The following BANK1 variants were observed in gnomAD, a reference collection of about 807,000 sequenced individuals.
BANK1 encodes the protein B-cell scaffold protein with ankyrin repeats.
Under a neutral mutation model 94.5 loss-of-function variants are expected in BANK1, and 95 were observed. The observed-to-expected ratio is 1.00, with a 90% CI of 0.85 to 1.19. The LOEUF (loss-of-function observed/expected upper bound fraction) is 1.19. BANK1 is among the 50% of genes most tolerant of loss of function. BANK1 has a pLI of 0.00. For synonymous variants in BANK1, 334 were observed against 308.4 expected, an observed-to-expected ratio of 1.08 and a Z score of -0.87; for missense variants, 987 against 932.2, an observed-to-expected ratio of 1.06 and a Z score of -0.77.
chr4:102,021,284 CA>C (rs1176103530), intron 7 of BANK1, among the ~76,000 whole-genome samples: 1 of 151,970 alleles, frequency 6.6e-6, no homozygotes, highest in Non-Finnish European at 1.5e-5. Flanking sequence ...AAAGCTATTT[CA>C]ATAGGTTTTA....
At chr4:101,952,025 A>G (rs181172898) in intron 7 of BANK1, among the ~76,000 whole-genome samples, 1 of 152,196 alleles carries the variant, frequency 6.6e-6, no homozygotes, top group Non-Finnish European at 1.5e-5. Flanking sequence ...TTAAGTAACT[A>G]TCTGGTTGCT....
At chr4:101,839,523 A>G (rs573024699) in intron 2 of BANK1, among the ~76,000 whole-genome samples, 2 of 152,284 alleles carry the variant, frequency 1.3e-5, no homozygotes, top group African/African-American at 4.8e-5. Flanking sequence ...CATATGAGGA[A>G]GCTTACTCTT....
chr4:101,921,935 G>T (rs561839208), intron 7 of BANK1, among the ~76,000 whole-genome samples: 1 of 151,738 alleles, frequency 6.6e-6, no homozygotes, highest in East Asian at 2.0e-4. Context: ...TCATGTGTGC[G>T]ATGGGATTCC....
intron 3 of BANK1, among the ~76,000 whole-genome samples, chr4:101,855,485 T>G (rs1026920374): frequency 6.6e-6 from 1 of 152,204 alleles, no homozygotes; most frequent in African/African-American, 2.4e-5. Context: ...ACCTAGGCAA[T>G]TAGCAGGCAT....
intron 7 of BANK1, among the ~76,000 whole-genome samples, chr4:101,919,294 T>C (rs978912201): frequency 6.6e-6 from 1 of 151,996 alleles, no homozygotes; most frequent in Non-Finnish European, 1.5e-5. Context: ...TCCCTGGAAG[T>C]CCTAGCATCT....
intron 7 of BANK1, among the ~76,000 whole-genome samples, chr4:101,933,509 T>C (rs1209433649): frequency 6.6e-6 from 1 of 151,512 alleles, no homozygotes. Flanking sequence ...AGGGCAGTGG[T>C]TCTCACTATT....
chr4:101,894,086 C>T (rs1306834697), intron 5 of BANK1, among the ~76,000 whole-genome samples: 1 of 151,976 alleles, frequency 6.6e-6, no homozygotes, highest in Non-Finnish European at 1.5e-5. Flanking sequence ...GTTCTTTCTT[C>T]GTGCAATTGA....
At chr4:101,970,098 C>T (rs1361225052) in intron 7 of BANK1, among the ~76,000 whole-genome samples, 1 of 152,102 alleles carries the variant, frequency 6.6e-6, no homozygotes, top group African/African-American at 2.4e-5. Context: ...CCTCTCTAAT[C>T]CTCTGTTTCC....
rs559837155 is a variant in BANK1, at chr4:101,862,620, G to T, written c.719G>T (p.Arg240Leu). The T allele has an allele frequency of 6.2e-7, 1 of 1,609,786 alleles. No homozygotes were observed. The highest frequency in any genetic ancestry group is 1.7e-5 in the Admixed American group (1 of 59,388). ...TCAAGTAATAAGCGCATTAGAACACGGCCAGCCCTTTGGAATAAGAAAGTC... is the reference window on the plus strand; with the variant it reads ...TCAAGTAATAAGCGCATTAGAACACTGCCAGCCCTTTGGAATAAGAAAGTC... ...FTSSNKRIRT[R>L]PALWNKKVWC... is the part of the protein sequence containing the mutation. The change falls in exon 4 of 17, where the codon CGG becomes CTG. Residue 240 changes from arginine (R) to leucine (L), a missense_variant. Coordinates refer to ENST00000322953, the MANE Select transcript of BANK1 (RefSeq NM_017935.5).
chr4:101,948,126 G>A (rs1416246050), intron 7 of BANK1, among the ~76,000 whole-genome samples: 2 of 152,136 alleles, frequency 1.3e-5, no homozygotes, highest in South Asian at 2.1e-4. Flanking sequence ...AAGTGTACTT[G>A]GTTTTTAAGA....
intron 1 of BANK1, among the ~76,000 whole-genome samples, chr4:101,814,379 C>T (rs778601505): frequency 2.0e-5 from 3 of 152,110 alleles, no homozygotes; most frequent in Admixed American, 1.3e-4. Context: ...TCCACCACTG[C>T]CACCATCTTG....
Position 102,043,836 on chromosome 4 carries a change from C to A in BANK1, c.1901-3C>A. 6.3e-7 allele frequency: 1 copy of A among 1,592,102 alleles called. No individual in the cohort carries two copies. The highest frequency in any genetic ancestry group is 8.6e-7 in the Non-Finnish European group (1 of 1,162,876). On this transcript the variant is annotated splice_polypyrimidine_tract_variant and splice_region_variant and intron_variant, in intron 10 of 16. Coordinates refer to ENST00000322953, the MANE Select transcript of BANK1 (RefSeq NM_017935.5). ...TAAATAATATGTTCTATACTTTTTA[C>A]AGTGTTTCAACAAAAGACAGCCAGA...
At chr4:101,793,874 G>A (rs1725070143) in intron 1 of BANK1, among the ~76,000 whole-genome samples, 1 of 152,030 alleles carries the variant, frequency 6.6e-6, no homozygotes, top group Non-Finnish European at 1.5e-5. Flanking sequence ...GATCAGTAGT[G>A]TCATATTAGC....
intron 7 of BANK1, among the ~76,000 whole-genome samples, chr4:101,957,291 C>G (rs1724380959): frequency 6.6e-6 from 1 of 152,164 alleles, no homozygotes. Context: ...ATTCCATAGA[C>G]TGGGAATATT....
At chr4:102,066,748 G>C (rs186465754) in intron 13 of BANK1, among the ~76,000 whole-genome samples, 35 of 152,110 alleles carry the variant, frequency 2.3e-4, no homozygotes, top group African/African-American at 8.2e-4. Flanking sequence ...CTCACTGAGG[G>C]AATCTGTGGG....
intron 2 of BANK1, among the ~76,000 whole-genome samples, chr4:101,848,501 T>C (rs1355418313): frequency 1.3e-5 from 2 of 152,146 alleles, no homozygotes; most frequent in African/African-American, 2.4e-5. Flanking sequence ...AACACTCCAG[T>C]TTCTACACAG....
chr4:102,064,710 C>A (rs1034447114), intron 13 of BANK1, among the ~76,000 whole-genome samples: 2 of 152,162 alleles, frequency 1.3e-5, no homozygotes, highest in Non-Finnish European at 2.9e-5. Flanking sequence ...ATATATGAAG[C>A]AAGTGATATT....
intron 9 of BANK1, among the ~76,000 whole-genome samples, chr4:102,028,443 A>G (rs1727175467): frequency 6.6e-6 from 1 of 152,208 alleles, no homozygotes. Context: ...TTGGGAGATT[A>G]TCTTAATCTC....
At chr4:102,040,461 T>C (rs1244467488) in intron 10 of BANK1, among the ~76,000 whole-genome samples, 6 of 152,074 alleles carry the variant, frequency 3.9e-5, no homozygotes, top group Non-Finnish European at 8.8e-5. Flanking sequence ...TATTTCTTTC[T>C]TCTCAAATTT....
Sources: gnomAD v4.1 joint callset for allele counts (sites outside exome capture counted in the v4.1 genomes callset) on GRCh38, gnomAD v4.1.1 for gene constraint, MANE v1.5 for transcripts, NCBI Gene and HGNC (gene_info 2026-07-23, HGNC 2026-07-21) for gene names.